The following ADCY2 variants were observed in gnomAD, a reference collection of about 807,000 sequenced individuals.
The protein encoded by ADCY2 is adenylate cyclase 2.
In ADCY2, 31 loss-of-function variants were observed where a neutral mutation model predicts 125.2. The observed-to-expected ratio is 0.25, with a 90% CI of 0.19 to 0.33. The LOEUF (loss-of-function observed/expected upper bound fraction) is 0.33, where lower values mean the gene tolerates loss of function less well. Among genes scored for constraint, ADCY2 ranks in the 10% least tolerant of loss-of-function variants. The pLI, the probability that ADCY2 is intolerant of heterozygous loss-of-function variation, is 1.00. For synonymous variants in ADCY2, 512 were observed against 548.4 expected (o/e 0.93, Z 0.93); for missense variants, 904 against 1,418.2 (o/e 0.64, Z 5.82).
At chr5:7,685,504 A>G (rs962967500) in intron 4 of ADCY2, among the ~76,000 whole-genome samples, 1 of 152,230 alleles carries the variant, frequency 6.6e-6, no homozygotes, top group African/African-American at 2.4e-5. Flanking sequence ...ATCCCATGTG[A>G]ATATGATGAC....
chr5:7,413,458 T>C (rs1185818736), intron 1 of ADCY2, among the ~76,000 whole-genome samples: 3 of 144,772 alleles, frequency 2.1e-5, no homozygotes, highest in African/African-American at 5.0e-5. Flanking sequence ...CACGCGCGGC[T>C]AATTTTTTTT....
intron 15 of ADCY2, among the ~76,000 whole-genome samples, chr5:7,751,294 G>A (rs7714729): frequency 0.02 from 3,011 of 151,936 alleles, 98 homozygotes; most frequent in African/African-American, 0.069. Context: ...GGTTGTTGTC[G>A]TATCTGCAGA....
Position 7,709,240 on chromosome 5 carries a change from C to A in ADCY2, c.1431C>A (p.Phe477Leu), listed in dbSNP as rs1353127472. The A allele has an allele frequency of 1.2e-6, 2 of 1,613,168 alleles. No homozygotes were observed. The highest frequency in any genetic ancestry group is 2.7e-5 in the African/African-American group (2 of 74,870). ...AACGACGGAGCCCCCAGCATCTCTT[C>A]AGACCTCGCCACACCCTTGATGGAG... ...KGERRSPQHLFRPRHTLDGAK... is the reference protein window; with the variant it reads ...KGERRSPQHLLRPRHTLDGAK... Residue 477 changes from phenylalanine to leucine, a missense_variant, in exon 10 of 25, where the codon TTC (phenylalanine) becomes TTA (leucine). Physicochemically the swap from Phe to Leu is conservative, Grantham distance 22. Around this residue, in one of 7 missense-constraint regions of ADCY2, gnomAD observed 144 missense variants for 227.7 expected, o/e 0.63. Transcript: ENST00000338316. This position sits in a 1 kb window ranked among gnomAD's most constrained non-coding sequence, Gnocchi z 4.4.
chr5:7,670,772 T>C (rs1013858752), intron 4 of ADCY2, among the ~76,000 whole-genome samples: 3 of 152,134 alleles, frequency 2.0e-5, no homozygotes, highest in African/African-American at 7.2e-5. Flanking sequence ...CGTCCATGCT[T>C]CTGTGAGAAT....
At chr5:7,679,896 T>C (rs1204522119) in intron 4 of ADCY2, among the ~76,000 whole-genome samples, 1 of 152,148 alleles carries the variant, frequency 6.6e-6, no homozygotes, top group African/African-American at 2.4e-5. Flanking sequence ...AGAATAGAGA[T>C]ATGTCACTGC....
chr5:7,498,898 T>A (rs1209510139), intron 2 of ADCY2, among the ~76,000 whole-genome samples: 1 of 152,170 alleles, frequency 6.6e-6, no homozygotes, highest in African/African-American at 2.4e-5. Context: ...GTCACAAGTA[T>A]AATGTTGGCC....
intron 15 of ADCY2, among the ~76,000 whole-genome samples, chr5:7,745,134 G>T (rs898840509): frequency 2.0e-5 from 3 of 152,182 alleles, no homozygotes; most frequent in African/African-American, 7.2e-5. Flanking sequence ...AGGACAGCGC[G>T]ATAGTGGCCT....
Position 7,630,762 on chromosome 5 carries a change from A to G in ADCY2, c.720+4446A>G, listed in dbSNP as rs139017350. Among the ~76,000 whole-genome samples, 1,068 of 146,594 alleles carry G rather than the reference A, an allele frequency of 7.3e-3. 9 individuals carry two copies. Among genetic ancestry groups the G allele is most frequent in the African/African-American group, 0.025 (993 of 39,524 alleles). ...AAAGTCATGAGGGTAGAATCTTTCA[A>G]TTGCTTTCTCTCTCTCTCTCCTTGT... On this transcript the variant is annotated intron_variant, in intron 4 of 24. Coordinates refer to ENST00000338316, the MANE Select transcript of ADCY2 (RefSeq NM_020546.3).
chr5:7,770,003 C>G (rs559529394), intron 17 of ADCY2, among the ~76,000 whole-genome samples: 1 of 152,158 alleles, frequency 6.6e-6, no homozygotes, highest in Non-Finnish European at 1.5e-5. Flanking sequence ...AGGACAGGCT[C>G]CCAGCCTGGT....
chr5:7,809,354 A>G (rs1171628674), intron 22 of ADCY2, among the ~76,000 whole-genome samples: 2 of 152,256 alleles, frequency 1.3e-5, no homozygotes, highest in African/African-American at 4.8e-5. Context: ...TTCTGAAAGG[A>G]AAGTTCATTA....
chr5:7,601,072 C>G (rs1737184753), intron 3 of ADCY2, among the ~76,000 whole-genome samples: 1 of 152,086 alleles, frequency 6.6e-6, no homozygotes, highest in Non-Finnish European at 1.5e-5. Context: ...GGCCTCTAGA[C>G]CAGTCTCAAA....
intron 3 of ADCY2, among the ~76,000 whole-genome samples, chr5:7,545,621 GTTTATT>G (rs1735124251): frequency 6.6e-6 from 1 of 152,192 alleles, no homozygotes. Flanking sequence ...TTTCTACAGT[GTTTATT>G]TTTAAAGTGT....
intron 4 of ADCY2, among the ~76,000 whole-genome samples, chr5:7,628,677 G>A (rs555653696): frequency 3.9e-4 from 60 of 152,262 alleles, no homozygotes; most frequent in Non-Finnish European, 5.1e-4. Context: ...TGTCACAAGC[G>A]TTGGAAGTCC....
intron 3 of ADCY2, among the ~76,000 whole-genome samples, chr5:7,560,175 G>A (rs914029259): frequency 6.6e-6 from 1 of 152,168 alleles, no homozygotes; most frequent in Non-Finnish European, 1.5e-5. Flanking sequence ...ATGCCATTTT[G>A]TAAAATTAAG....
chr5:7,479,552 T>C (rs1359885888), intron 2 of ADCY2, among the ~76,000 whole-genome samples: 1 of 152,192 alleles, frequency 6.6e-6, no homozygotes, highest in African/African-American at 2.4e-5. Flanking sequence ...AAATGGGGTA[T>C]CTATCACCCC....
At position 7,634,504 on chromosome 5, in the gene ADCY2, A is replaced by T. The variant is rs865850893; in HGVS notation, c.720+8188A>T. On this transcript the variant is annotated intron_variant, in intron 4 of 24. Coordinates refer to ENST00000338316, the MANE Select transcript of ADCY2 (RefSeq NM_020546.3). ...GTTACTGGATGTGACAATTCCCCCCAAAGACTAACGTTGTCATAAATGTGG... is the reference window on the plus strand; with the variant it reads ...GTTACTGGATGTGACAATTCCCCCCTAAGACTAACGTTGTCATAAATGTGG... Among the ~76,000 whole-genome samples, 14 of 152,288 alleles carry T rather than the reference A, an allele frequency of 9.2e-5. 1 individual carries two copies. Among genetic ancestry groups the T allele is most frequent in the African/African-American group, 3.4e-4 (14 of 41,556 alleles).
intron 15 of ADCY2, among the ~76,000 whole-genome samples, chr5:7,748,813 C>A (rs892642008): frequency 6.6e-6 from 1 of 152,140 alleles, no homozygotes; most frequent in Non-Finnish European, 1.5e-5. Flanking sequence ...CACTTAGCTT[C>A]TACTGGCTCA....
chr5:7,814,338 T>TC (rs1745037066), intron 22 of ADCY2, among the ~76,000 whole-genome samples: 1 of 151,888 alleles, frequency 6.6e-6, no homozygotes, highest in East Asian at 1.9e-4. Context: ...ATTTTACTCC[T>TC]CCCCCCGCCC....
At chr5:7,517,124 C>T (rs1033223623) in intron 2 of ADCY2, among the ~76,000 whole-genome samples, 4 of 152,132 alleles carry the variant, frequency 2.6e-5, no homozygotes, top group South Asian at 4.1e-4. Context: ...GGAAGATAGG[C>T]ATGTCTTGCA....
Sources: allele counts gnomAD v4.1 joint callset (sites outside exome capture counted in the v4.1 genomes callset), GRCh38; gene constraint gnomAD v4.1.1; regional missense constraint gnomAD v4.1.1; non-coding constraint Gnocchi (gnomAD v3.1); transcripts MANE v1.5; gene names NCBI Gene and HGNC (gene_info 2026-07-23, HGNC 2026-07-21).